Variants in AMPH observed in about 807,000 individuals in gnomAD.
AMPH encodes the protein amphiphysin (Stiff-Mann syndrome with breast cancer 128kD autoantigen).
In AMPH, 49 loss-of-function variants were observed where a neutral mutation model predicts 99.1. The ratio of observed to expected loss-of-function variants is 0.49; its 90% CI spans 0.39 to 0.63. The LOEUF (loss-of-function observed/expected upper bound fraction) is 0.63. Ranked by LOEUF, AMPH falls within the 20% of genes least tolerant of loss-of-function variation. The pLI is 0.00. For missense variants in AMPH, 759 were observed against 863.4 expected, an observed-to-expected ratio of 0.88 and a Z score of 1.52; for synonymous variants, 314 against 317.3, an observed-to-expected ratio of 0.99 and a Z score of 0.11.
intron 1 of AMPH, among the ~76,000 whole-genome samples, chr7:38,592,490 G>A (rs1404815068): frequency 6.6e-6 from 1 of 152,148 alleles, no homozygotes; most frequent in Non-Finnish European, 1.5e-5. Context: ...TCAGCACTTC[G>A]GGAGGCCAAG....
intron 2 of AMPH, among the ~76,000 whole-genome samples, chr7:38,523,023 G>A (rs529089744): frequency 3.3e-4 from 50 of 151,590 alleles, no homozygotes; most frequent in African/African-American, 1.1e-3. Context: ...CAGGAGAATC[G>A]CTTGAAACCA....
intron 1 of AMPH, among the ~76,000 whole-genome samples, chr7:38,584,874 G>T: frequency 6.6e-6 from 1 of 152,220 alleles, no homozygotes; most frequent in East Asian, 1.9e-4. Context: ...AATCCAGTGT[G>T]CAAGGGCATA....
At chr7:38,454,769 T>C (rs890452282) in intron 11 of AMPH, among the ~76,000 whole-genome samples, 1 of 152,148 alleles carries the variant, frequency 6.6e-6, no homozygotes, top group Non-Finnish European at 1.5e-5. Flanking sequence ...AAATAATATA[T>C]AAAGAGATGT....
intron 16 of AMPH, among the ~76,000 whole-genome samples, chr7:38,419,333 G>A (rs1057121042): frequency 1.3e-5 from 2 of 152,080 alleles, no homozygotes; most frequent in Admixed American, 6.5e-5. Flanking sequence ...TTTGTCTTAT[G>A]TTTCCCACCA....
At chr7:38,532,166 T>A (rs985501338) in intron 2 of AMPH, among the ~76,000 whole-genome samples, 3 of 152,092 alleles carry the variant, frequency 2.0e-5, no homozygotes, top group Non-Finnish European at 4.4e-5. Context: ...AATAAATCCC[T>A]CCCCTTCTCT....
intron 1 of AMPH, among the ~76,000 whole-genome samples, chr7:38,576,861 T>G (rs7777184): frequency 6.6e-6 from 1 of 152,154 alleles, no homozygotes; most frequent in East Asian, 1.9e-4. Context: ...GGGCAAGTCA[T>G]TTAAGCTTCC....
chr7:38,575,175 A>G (rs1792190970), intron 1 of AMPH, among the ~76,000 whole-genome samples: 3 of 152,034 alleles, frequency 2.0e-5, no homozygotes, highest in East Asian at 1.9e-4. Context: ...CGTACTTTCA[A>G]CTCTACTCTA....
chr7:38,384,687 A>G lies in AMPH; in HGVS notation c.*131T>C. On this transcript the variant is annotated 3_prime_UTR_variant, in exon 21 of 21. Transcript: ENST00000356264. ...TTTTTTGCACACATGCTCCATTGAT[A>G]CATCTTCCCAAGGTTTGTCTGGCAT... The G allele has an allele frequency of 5.4e-6, 4 of 746,238 alleles. No homozygotes were observed. 46.2% of individuals were successfully genotyped at this position (746,238 alleles called of 1,614,324 possible).
chr7:38,429,741 T>G, intron 14 of AMPH, 101 bp downstream of exon 14: 2 of 1,397,196 alleles, frequency 1.4e-6, no homozygotes, highest in South Asian at 1.2e-5. Flanking sequence ...AATCTATGAC[T>G]AGCAATGCCA....
chr7:38,476,152 C>T (rs1286922589), intron 6 of AMPH, among the ~76,000 whole-genome samples: 1 of 151,960 alleles, frequency 6.6e-6, no homozygotes, highest in African/African-American at 2.4e-5. Context: ...TGGAAGAAGG[C>T]GAGGAGGGGA....
At chr7:38,563,552 T>C (rs1249012151) in intron 1 of AMPH, among the ~76,000 whole-genome samples, 1 of 152,232 alleles carries the variant, frequency 6.6e-6, no homozygotes, top group African/African-American at 2.4e-5. Flanking sequence ...AGGATCTGAA[T>C]AGCTGTGAGC....
At chr7:38,602,166 C>G (rs1052434983) in intron 1 of AMPH, among the ~76,000 whole-genome samples, 7 of 152,184 alleles carry the variant, frequency 4.6e-5, no homozygotes, top group Non-Finnish European at 1.0e-4. Context: ...ACCACAGACG[C>G]CAATAAGGGG....
rs549699985 is a variant in AMPH at position 38,561,617 on chromosome 7, G to A, written c.70-26606C>T. On this transcript the variant is annotated intron_variant, in intron 1 of 20. Transcript: ENST00000356264. ...GAAGGAGAAAGGTGGAACCACTTCC[G>A]GTTCAGATGAAGGAGGGTGCTGAGA... Among the ~76,000 whole-genome samples, 8 of 152,304 alleles carry A rather than the reference G, an allele frequency of 5.3e-5. No individual in the cohort carries two copies. In the South Asian group the frequency reaches 8.3e-4, roughly 16 times the overall value.
chr7:38,413,658 G>A (rs1482564841), intron 17 of AMPH, among the ~76,000 whole-genome samples: 2 of 151,932 alleles, frequency 1.3e-5, no homozygotes, highest in African/African-American at 4.8e-5. Flanking sequence ...TCTAAGAAAG[G>A]TAAACAGGAA....
intron 20 of AMPH, among the ~76,000 whole-genome samples, chr7:38,385,177 C>G (rs1029224300): frequency 3.3e-5 from 5 of 151,982 alleles, no homozygotes; most frequent in Non-Finnish European, 5.9e-5. Context: ...ATAGCTAATG[C>G]TTTGTACATT....
chr7:38,478,184 GAGAGAGACCCCTTCTGC>G (rs1216291492), intron 5 of AMPH, among the ~76,000 whole-genome samples: 12 of 152,062 alleles, frequency 7.9e-5, no homozygotes, highest in Non-Finnish European at 1.6e-4. Flanking sequence ...ACAGTGCAAG[GAGAGAGACCCCTTCTGC>G]AGAGGGGTCT....
chr7:38,393,908 T>C (rs1182563846), intron 18 of AMPH, 97 bp downstream of exon 18: 3 of 1,165,228 alleles, frequency 2.6e-6, no homozygotes, highest in African/African-American at 3.0e-5. Context: ...ACAAACCTAT[T>C]ATACATCCAA....
At chr7:38,441,806 A>ATCATAT in intron 11 of AMPH, among the ~76,000 whole-genome samples, 1 of 87,362 alleles carries the variant, frequency 1.1e-5, no homozygotes, top group South Asian at 4.8e-4. Flanking sequence ...TATCATATAT[A>ATCATAT]TATCATATAT....
intron 2 of AMPH, among the ~76,000 whole-genome samples, chr7:38,517,488 C>T (rs908548260): frequency 3.3e-5 from 5 of 152,196 alleles, no homozygotes; most frequent in African/African-American, 4.8e-5. Context: ...GAGTGCCCCC[C>T]ATCCATGCTT....
Sources: gnomAD v4.1 joint callset for allele counts (sites outside exome capture counted in the v4.1 genomes callset) on GRCh38, gnomAD v4.1.1 for gene constraint, MANE v1.5 for transcripts, NCBI Gene and HGNC (gene_info 2026-07-23, HGNC 2026-07-21) for gene names.